KLHL2: variants seen among roughly 807,000 people sequenced by gnomAD.
KLHL2 encodes the protein kelch-like protein 2.
A neutral mutation model predicts 75.8 loss-of-function variants in KLHL2; 15 were observed. That is an observed-to-expected ratio of 0.20 (90% CI 0.13 to 0.30). The LOEUF (loss-of-function observed/expected upper bound fraction) is 0.30, where lower values mean the gene tolerates loss of function less well. Ranked by LOEUF, KLHL2 falls within the 10% of genes least tolerant of loss-of-function variation. KLHL2 has a pLI of 1.00. For synonymous variants in KLHL2, 214 were observed against 251.9 expected, an observed-to-expected ratio of 0.85 and a Z score of 1.42; for missense variants, 381 against 741.0, an observed-to-expected ratio of 0.51 and a Z score of 5.64.
chr4:165,318,197 A>G (rs1237486413), intron 14 of KLHL2, among the ~76,000 whole-genome samples: 2 of 151,244 alleles, frequency 1.3e-5, no homozygotes, highest in East Asian at 3.9e-4. Flanking sequence ...TTTGATATAC[A>G]AAATCATATA....
intron 4 of KLHL2, among the ~76,000 whole-genome samples, chr4:165,243,935 T>C (rs1740020052): frequency 6.6e-6 from 1 of 152,248 alleles, no homozygotes; most frequent in Admixed American, 6.5e-5. Flanking sequence ...CTCAAATATG[T>C]AGGTTTACAA....
At chr4:165,255,377 G>GT (rs928039118) in intron 4 of KLHL2, among the ~76,000 whole-genome samples, 1 of 152,042 alleles carries the variant, frequency 6.6e-6, no homozygotes, top group South Asian at 2.1e-4. Flanking sequence ...TAATCAGACA[G>GT]TTTTTTTGTG....
intron 8 of KLHL2, among the ~76,000 whole-genome samples, chr4:165,303,715 A>G (rs1252219315): frequency 6.6e-6 from 1 of 152,120 alleles, no homozygotes; most frequent in Non-Finnish European, 1.5e-5. Context: ...GGCACGCACT[A>G]TCATGCCTGG....
At chr4:165,241,826 C>G (rs1417469625) in intron 4 of KLHL2, among the ~76,000 whole-genome samples, 1 of 151,926 alleles carries the variant, frequency 6.6e-6, no homozygotes, top group African/African-American at 2.4e-5. Context: ...AATATAATAC[C>G]TATTTGAAGT....
chr4:165,265,590 C>T (rs1461788035), intron 5 of KLHL2, among the ~76,000 whole-genome samples: 1 of 151,692 alleles, frequency 6.6e-6, no homozygotes, highest in Non-Finnish European at 1.5e-5. Context: ...ATATATAAAA[C>T]GTGTACACGA....
At chr4:165,294,679 C>A (rs1744778267) in intron 6 of KLHL2, among the ~76,000 whole-genome samples, 1 of 152,154 alleles carries the variant, frequency 6.6e-6, no homozygotes, top group East Asian at 1.9e-4. Context: ...ATGTAAATTA[C>A]TCCCGGTCTT....
chr4:165,305,663 A>G lies in KLHL2; in HGVS notation c.977A>G (p.Tyr326Cys). The change falls in exon 9 of 15, where the codon TAT becomes TGT. Residue 326 changes from tyrosine (Y) to cysteine (C), a missense_variant. Tyr to Cys is a radical substitution (Grantham distance 194). Around this residue, in one of 5 missense-constraint regions of KLHL2, gnomAD observed 168 missense variants for 370.4 expected, o/e 0.45. Transcript: ENST00000226725. ...APKAIRSVEC[Y>C]DFKEERWHQV... Reference sequence around the variant, plus strand: ...AAGGCTATCCGGAGTGTGGAATGCTATGACTTTAAAGAAGAAAGGTGGCAC... The same window carrying G: ...AAGGCTATCCGGAGTGTGGAATGCTGTGACTTTAAAGAAGAAAGGTGGCAC... 6.2e-7 allele frequency: 1 copy of G among 1,614,186 alleles called. No homozygotes were observed. The highest frequency in any genetic ancestry group is 8.5e-7 in the Non-Finnish European group (1 of 1,180,016).
chr4:165,301,542 C>T (rs139350776), intron 8 of KLHL2, among the ~76,000 whole-genome samples: 18 of 152,270 alleles, frequency 1.2e-4, no homozygotes, highest in African/African-American at 4.3e-4. Flanking sequence ...TTTTCAAATA[C>T]CCTTACACCT....
intron 4 of KLHL2, among the ~76,000 whole-genome samples, chr4:165,255,408 GT>G (rs919414139): frequency 1.3e-5 from 2 of 151,596 alleles, no homozygotes. Context: ...GGTTGTTTTT[GT>G]TTTTTTTAAA....
intron 4 of KLHL2, among the ~76,000 whole-genome samples, chr4:165,244,841 C>T (rs1275344413): frequency 6.6e-6 from 1 of 152,134 alleles, no homozygotes; most frequent in African/African-American, 2.4e-5. Context: ...AACAAGCACT[C>T]AACAAGTATT....
At chr4:165,233,580 T>A (rs1739086742) in intron 3 of KLHL2, among the ~76,000 whole-genome samples, 1 of 152,158 alleles carries the variant, frequency 6.6e-6, no homozygotes, top group South Asian at 2.1e-4. Context: ...ATATACATGG[T>A]TATGTTTGTC....
At chr4:165,304,969 C>T (rs1745615589) in intron 8 of KLHL2, among the ~76,000 whole-genome samples, 1 of 152,116 alleles carries the variant, frequency 6.6e-6, no homozygotes, top group South Asian at 2.1e-4. Context: ...CATTTATTCT[C>T]AAAAGTAGAC....
At chr4:165,271,783 C>T (rs1742717143) in intron 5 of KLHL2, among the ~76,000 whole-genome samples, 1 of 152,174 alleles carries the variant, frequency 6.6e-6, no homozygotes, top group Admixed American at 6.5e-5. Context: ...CTATGAGACT[C>T]AATAGGAATA....
At chr4:165,247,149 A>G (rs1012771181) in intron 4 of KLHL2, among the ~76,000 whole-genome samples, 2 of 152,186 alleles carry the variant, frequency 1.3e-5, no homozygotes, top group African/African-American at 4.8e-5. Flanking sequence ...AGACAGTCCT[A>G]TTTTATGCCT....
intron 4 of KLHL2, among the ~76,000 whole-genome samples, chr4:165,253,931 C>T (rs1579049532): frequency 1.3e-5 from 2 of 152,160 alleles, no homozygotes; most frequent in South Asian, 4.1e-4. Context: ...ATATGTGTCT[C>T]CTCTGACTAG....
intron 4 of KLHL2, among the ~76,000 whole-genome samples, chr4:165,251,394 A>C (rs946685212): frequency 6.6e-6 from 1 of 152,218 alleles, no homozygotes; most frequent in Admixed American, 6.5e-5. Flanking sequence ...GGTAATCCTC[A>C]TAGTTTTAAT....
chr4:165,210,512 G>GTTT (rs1181347182), intron 1 of KLHL2, among the ~76,000 whole-genome samples: 1 of 152,090 alleles, frequency 6.6e-6, no homozygotes, highest in East Asian at 1.9e-4. Flanking sequence ...TGTGCTTATT[G>GTTT]TTTTTTGCAT....
chr4:165,317,484 C>T (rs1435689440), intron 13 of KLHL2, among the ~76,000 whole-genome samples: 1 of 151,960 alleles, frequency 6.6e-6, no homozygotes, highest in Non-Finnish European at 1.5e-5. Flanking sequence ...CGGCTTCAGC[C>T]TCTTGGAGTA....
At chr4:165,221,721 A>G (rs542186181) in intron 2 of KLHL2, among the ~76,000 whole-genome samples, 1 of 152,294 alleles carries the variant, frequency 6.6e-6, no homozygotes, top group South Asian at 2.1e-4. Flanking sequence ...GTTAAACTGA[A>G]TATTGGATCA....
Sources: allele counts gnomAD v4.1 joint callset (sites outside exome capture counted in the v4.1 genomes callset), GRCh38; gene constraint gnomAD v4.1.1; regional missense constraint gnomAD v4.1.1; transcripts MANE v1.5; gene names NCBI Gene and HGNC (gene_info 2026-07-23, HGNC 2026-07-21).